Variants in TMPRSS9 observed in about 807,000 individuals in gnomAD.
TMPRSS9 encodes the protein transmembrane protease serine 9.
Under a neutral mutation model 111.4 loss-of-function variants are expected in TMPRSS9, and 113 were observed. That is an observed-to-expected ratio of 1.01 (90% confidence interval 0.87 to 1.19). The LOEUF (loss-of-function observed/expected upper bound fraction) is 1.19, where lower values mean the gene tolerates loss of function less well. TMPRSS9 is among the 50% of genes most tolerant of loss of function. TMPRSS9 has a pLI of 0.00. For synonymous variants in TMPRSS9, 805 were observed against 659.1 expected, an observed-to-expected ratio of 1.22 and a Z score of -3.39; for missense variants, 1,803 against 1,513.1, an observed-to-expected ratio of 1.19 and a Z score of -3.18.
intron 1 of TMPRSS9, among the ~76,000 whole-genome samples, chr19:2,392,105 C>G (rs1970611275): frequency 6.6e-6 from 1 of 152,010 alleles, no homozygotes; most frequent in Non-Finnish European, 1.5e-5. Flanking sequence ...TCCCAGCACT[C>G]TGGGAGGCTG....
chr19:2,418,378 TCCCTTTCC>T lies in TMPRSS9; in HGVS notation c.2154+241_2154+248del, dbSNP rs1971330846. Among the ~76,000 whole-genome samples, 9 of 38,252 alleles carry T rather than the reference TCCCTTTCC, an allele frequency of 2.4e-4. 1 individual carries two copies. The highest frequency in any genetic ancestry group is 8.0e-4 in the African/African-American group (6 of 7,464). 25.1% of individuals were successfully genotyped at this position (38,252 alleles called of 152,430 possible). A position where few individuals can be genotyped will look rare whatever the true frequency, so the allele number is the denominator to read the frequency against. ...CCCTCCCTCCCTTCCCTTCCCTCCCTCCCTTTCCTTCCCTCCCTGGCCTTTCCTTCCAT... is the reference window on the plus strand; with the variant it reads ...CCCTCCCTCCCTTCCCTTCCCTCCCTTTCCCTCCCTGGCCTTTCCTTCCAT... On this transcript the variant is annotated intron_variant, in intron 13 of 17. Coordinates refer to ENST00000648592, the Ensembl canonical transcript of TMPRSS9.
chr19:2,417,631 G>A (rs1815146843), intron 12 of TMPRSS9, among the ~76,000 whole-genome samples: 1 of 152,124 alleles, frequency 6.6e-6, no homozygotes, highest in Non-Finnish European at 1.5e-5. Flanking sequence ...CTGGGCAACA[G>A]AGCAAGACCC....
intron 1 of TMPRSS9, among the ~76,000 whole-genome samples, chr19:2,376,907 T>C (rs1295200048): frequency 1.3e-5 from 2 of 152,060 alleles, no homozygotes; most frequent in Non-Finnish European, 2.9e-5. Context: ...GCTGCCAGGA[T>C]GCAATTTCTC....
intron 11 of TMPRSS9, 62 bp downstream of exon 12, chr19:2,415,903 C>G: frequency 6.6e-7 from 1 of 1,505,748 alleles, no homozygotes; most frequent in South Asian, 1.3e-5. Flanking sequence ...CCCTCCCTGT[C>G]AGAAACCATC....
At chr19:2,376,777 C>T (rs1042961374) in intron 1 of TMPRSS9, among the ~76,000 whole-genome samples, 6 of 152,066 alleles carry the variant, frequency 3.9e-5, no homozygotes, top group Non-Finnish European at 7.4e-5. Flanking sequence ...TTTCTAGGAA[C>T]GTACCCAGAG....
intron 9 of TMPRSS9, among the ~76,000 whole-genome samples, 187 bp from the exon 11 acceptor site, chr19:2,413,513 G>T (rs1267081380): frequency 6.6e-6 from 1 of 151,946 alleles, no homozygotes; most frequent in Non-Finnish European, 1.5e-5. Context: ...CTTGGGTTTT[G>T]TTTTTTTTCC....
upstream of TMPRSS9, among the ~76,000 whole-genome samples, chr19:2,387,243 C>T (rs1970496390): frequency 1.3e-5 from 2 of 152,116 alleles, no homozygotes; most frequent in Non-Finnish European, 2.9e-5. Context: ...GCCTGTAATC[C>T]CAGCACTTTG....
intron 4 of TMPRSS9, among the ~76,000 whole-genome samples, chr19:2,400,882 G>A (rs1415236405): frequency 1.3e-5 from 2 of 149,230 alleles, no homozygotes; most frequent in African/African-American, 2.5e-5. Flanking sequence ...GCTGAGGCAG[G>A]AGAATTGCTT....
intron 11 of TMPRSS9, 143 bp downstream of exon 12, chr19:2,415,984 A>C: frequency 9.6e-7 from 1 of 1,045,600 alleles, no homozygotes; most frequent in Non-Finnish European, 1.3e-6. Flanking sequence ...GAGAGACAGG[A>C]GGGAGCCGGT....
At chr19:2,390,029 G>T in intron 1 of TMPRSS9, 102 bp downstream of exon 2, 1 of 1,473,638 alleles carries the variant, frequency 6.8e-7, no homozygotes, top group Non-Finnish European at 9.2e-7. Context: ...GGAATCAAAG[G>T]GCAGTGTCTA....
chr19:2,413,461 G>A (rs1430623562), intron 9 of TMPRSS9, among the ~76,000 whole-genome samples: 2 of 152,184 alleles, frequency 1.3e-5, no homozygotes, highest in Non-Finnish European at 2.9e-5. Flanking sequence ...CCTGCCAGAG[G>A]TAGGACTGAA....
chr19:2,389,882 G>T, exon 1 of TMPRSS9: 5 of 1,613,812 alleles, frequency 3.1e-6, no homozygotes, highest in Non-Finnish European at 4.2e-6. Context: ...CAGCATTGGC[G>T]TGGTGGCCAC....
upstream of TMPRSS9, among the ~76,000 whole-genome samples, chr19:2,387,943 G>C (rs991275103): frequency 6.6e-6 from 1 of 152,144 alleles, no homozygotes; most frequent in African/African-American, 2.4e-5. Flanking sequence ...CCTCCAGACG[G>C]GATGCTGGTG....
chr19:2,383,647 A>ATTTTTTTTTTTTTTTT (rs1970414606), intron 1 of TMPRSS9, among the ~76,000 whole-genome samples: 1 of 146,542 alleles, frequency 6.8e-6, no homozygotes, highest in Non-Finnish European at 1.5e-5. Context: ...CTACAAAGAA[A>ATTTTTTTTTTTTTTTT]TTTTTTAACT....
chr19:2,385,412 C>T (rs1438378522), upstream of TMPRSS9, among the ~76,000 whole-genome samples: 1 of 152,132 alleles, frequency 6.6e-6, no homozygotes, highest in Non-Finnish European at 1.5e-5. Flanking sequence ...AGACTGAAAG[C>T]GGCAGGAGCA....
intron 11 of TMPRSS9, 142 bp from the exon 13 acceptor site, chr19:2,416,396 C>A: frequency 8.9e-7 from 1 of 1,127,350 alleles, no homozygotes; most frequent in South Asian, 1.7e-5. Flanking sequence ...GGTCCTCCTC[C>A]CTGGAGCCGA....
chr19:2,386,134 G>T (rs964589888), upstream of TMPRSS9, among the ~76,000 whole-genome samples: 1 of 151,938 alleles, frequency 6.6e-6, no homozygotes, highest in Admixed American at 6.6e-5. Context: ...ATTTTCTGTC[G>T]ACATGGGGTC....
At chr19:2,401,134 C>G (rs1008881237) in intron 4 of TMPRSS9, among the ~76,000 whole-genome samples, 3 of 151,834 alleles carry the variant, frequency 2.0e-5, no homozygotes, top group South Asian at 4.1e-4. Flanking sequence ...ATCAGCCGGG[C>G]GTGGTGGCGG....
chr19:2,413,834 CT>C lies in TMPRSS9; in HGVS notation c.1390del (p.Trp464GlyfsTer92). The stretch of plus-strand genomic sequence containing the variant: ...ATGCCCGAGTCACCAGGCTACGTGA[CT>C]GGATCCTGGAGGCCACCACCAAAGC... On this transcript the variant is annotated frameshift_variant, in exon 10 of 18. Coordinates refer to ENST00000648592, the Ensembl canonical transcript of TMPRSS9. LOFTEE classifies it high-confidence loss of function. The C allele has an allele frequency of 6.2e-7, 1 of 1,613,762 alleles. No homozygotes were observed. Among genetic ancestry groups the C allele is most frequent in the Non-Finnish European group, 8.5e-7 (1 of 1,180,020 alleles).
Sources: allele counts gnomAD v4.1 joint callset (sites outside exome capture counted in the v4.1 genomes callset), GRCh38; gene constraint gnomAD v4.1.1; transcripts MANE v1.5; gene names NCBI Gene and HGNC (gene_info 2026-07-23, HGNC 2026-07-21).